The following KLF12 variants were observed in gnomAD, a reference collection of about 807,000 sequenced individuals.
The protein encoded by KLF12 is Krueppel-like factor 12.
Under a neutral mutation model 37.8 loss-of-function variants are expected in KLF12, and 9 were observed. That is an observed-to-expected ratio of 0.24 (90% CI 0.14 to 0.42). KLF12 has a LOEUF of 0.42. KLF12 is among the 10% of genes least tolerant of loss of function. The pLI, the probability that KLF12 is intolerant of heterozygous loss-of-function variation, is 1.00. For missense variants in KLF12, 411 were observed against 516.0 expected, an observed-to-expected ratio of 0.80 and a Z score of 1.97; for synonymous variants, 208 against 202.1, an observed-to-expected ratio of 1.03 and a Z score of -0.25.
intron 2 of KLF12, among the ~76,000 whole-genome samples, chr13:73,978,411 C>T (rs775538455): frequency 5.9e-5 from 9 of 152,132 alleles, no homozygotes; most frequent in Non-Finnish European, 7.4e-5. Context: ...AACAACGATA[C>T]AACACCACGC....
chr13:74,145,595 TC>T, the KLF12 span, among the ~76,000 whole-genome samples: 1 of 152,210 alleles, frequency 6.6e-6, no homozygotes, highest in Non-Finnish European at 1.5e-5. Flanking sequence ...ACTTTTGGGA[TC>T]CCTATCTCTT....
At chr13:73,848,317 G>A (rs887796716) in intron 3 of KLF12, among the ~76,000 whole-genome samples, 1 of 152,034 alleles carries the variant, frequency 6.6e-6, no homozygotes, top group African/African-American at 2.4e-5. Flanking sequence ...AGGGGGAGCT[G>A]ATAAATGCGG....
intron 1 of KLF12, among the ~76,000 whole-genome samples, chr13:73,999,577 C>A (rs113380876): frequency 0.027 from 3,933 of 145,812 alleles, 171 homozygotes; most frequent in African/African-American, 0.093. Context: ...ACTAAAAATA[C>A]AAAAAAAAAA....
At chr13:73,905,874 A>G (rs1888260094) in intron 3 of KLF12, among the ~76,000 whole-genome samples, 2 of 150,802 alleles carry the variant, frequency 1.3e-5, no homozygotes, top group Non-Finnish European at 2.9e-5. Context: ...CCAAACAGAT[A>G]TCTTTTCCTC....
intron 1 of KLF12, among the ~76,000 whole-genome samples, chr13:74,124,290 C>T (rs1566224088): frequency 6.6e-6 from 1 of 152,184 alleles, no homozygotes; most frequent in Non-Finnish European, 1.5e-5. Context: ...GAAATATCCA[C>T]CTACTTCAAG....
the KLF12 span, among the ~76,000 whole-genome samples, chr13:74,181,320 T>G: frequency 6.7e-6 from 1 of 149,018 alleles, no homozygotes; most frequent in African/African-American, 2.5e-5. Context: ...AAAAATACAT[T>G]TAGCATAAAA....
intron 7 of KLF12, among the ~76,000 whole-genome samples, chr13:73,715,026 T>C (rs1875692862): frequency 6.6e-6 from 1 of 152,124 alleles, no homozygotes; most frequent in African/African-American, 2.4e-5. Flanking sequence ...ATGGATAAAA[T>C]ACTAACTTTA....
chr13:73,980,643 A>C (rs2138176136), intron 2 of KLF12, among the ~76,000 whole-genome samples: 1 of 152,364 alleles, frequency 6.6e-6, no homozygotes, highest in Admixed American at 6.5e-5. Context: ...CCTACCAAAA[A>C]AGATGACCAT....
Position 74,123,615 on chromosome 13 carries a change from C to T in KLF12, c.-32+10124G>A, listed in dbSNP as rs140595483. ...TGCACACTCTCTATTCCAGGGTCAA[C>T]GGGTTGATCTCTCTGGGCTGTTACA... On this transcript the variant is annotated intron_variant, in intron 1 of 7. Transcript: ENST00000377669. Among the ~76,000 whole-genome samples, 553 of 152,310 alleles carry T rather than the reference C, an allele frequency of 3.6e-3. 1 individual carries two copies. Among genetic ancestry groups the T allele is most frequent in the East Asian group, 0.014 (73 of 5,192 alleles).
chr13:73,767,012 A>G (rs995202737), intron 5 of KLF12, among the ~76,000 whole-genome samples: 3 of 152,222 alleles, frequency 2.0e-5, no homozygotes, highest in Non-Finnish European at 4.4e-5. Context: ...ATATGAACAA[A>G]TAATTACAAG....
chr13:74,286,968 A>G, the KLF12 span, among the ~76,000 whole-genome samples: 1 of 152,216 alleles, frequency 6.6e-6, no homozygotes, highest in Non-Finnish European at 1.5e-5. Flanking sequence ...TGTCCCTTTG[A>G]AGGAGAAAGC....
intron 1 of KLF12, among the ~76,000 whole-genome samples, chr13:74,054,344 A>C (rs1873117505): frequency 6.6e-6 from 1 of 152,184 alleles, no homozygotes; most frequent in African/African-American, 2.4e-5. Flanking sequence ...ACAGAATATA[A>C]AAAAGCCATT....
chr13:74,138,826 A>G (rs1446281769), upstream of KLF12, among the ~76,000 whole-genome samples: 2 of 152,192 alleles, frequency 1.3e-5, no homozygotes, highest in Non-Finnish European at 2.9e-5. Context: ...ATTAGTTACA[A>G]CAAAATACTG....
chr13:73,925,702 G>A (rs2325570), intron 3 of KLF12, among the ~76,000 whole-genome samples: 47 of 152,146 alleles, frequency 3.1e-4, no homozygotes, highest in African/African-American at 9.6e-4. Flanking sequence ...TTTGATGGAC[G>A]TACACAAAGT....
intron 3 of KLF12, among the ~76,000 whole-genome samples, chr13:73,870,631 A>G (rs1183178152): frequency 2.6e-5 from 4 of 152,252 alleles, no homozygotes; most frequent in Non-Finnish European, 5.9e-5. Context: ...GCTTTATGAT[A>G]TCCATAATGC....
At chr13:74,112,074 A>G (rs1030987132) in intron 1 of KLF12, among the ~76,000 whole-genome samples, 2 of 152,228 alleles carry the variant, frequency 1.3e-5, no homozygotes, top group African/African-American at 4.8e-5. Context: ...TTACCATAGA[A>G]CAGGGGTCAG....
At chr13:74,199,885 CA>C in the KLF12 span, among the ~76,000 whole-genome samples, 2 of 152,082 alleles carry the variant, frequency 1.3e-5, no homozygotes, top group Non-Finnish European at 2.9e-5. Context: ...TTAGCAATCC[CA>C]AGCCCTCTCT....
At chr13:73,888,117 C>T (rs559425872) in intron 3 of KLF12, among the ~76,000 whole-genome samples, 49 of 152,194 alleles carry the variant, frequency 3.2e-4, no homozygotes, top group Admixed American at 2.0e-3. Flanking sequence ...ATCCTCCCAC[C>T]TCAGCCTCCC....
intron 1 of KLF12, among the ~76,000 whole-genome samples, chr13:74,025,452 T>G (rs545402533): frequency 9.2e-5 from 14 of 152,276 alleles, no homozygotes; most frequent in African/African-American, 3.4e-4. Flanking sequence ...ATATATCTGA[T>G]GCTCACTACT....
Sources: allele counts gnomAD v4.1 joint callset (sites outside exome capture counted in the v4.1 genomes callset), GRCh38; gene constraint gnomAD v4.1.1; transcripts MANE v1.5; gene names NCBI Gene and HGNC (gene_info 2026-07-23, HGNC 2026-07-21).